TMEM62: variants seen among roughly 807,000 people sequenced by gnomAD.
The protein encoded by TMEM62 is transmembrane protein 62.
Under a neutral mutation model 70.4 loss-of-function variants are expected in TMEM62, and 41 were observed. The ratio of observed to expected loss-of-function variants is 0.58; its 90% CI spans 0.45 to 0.76. TMEM62 has a LOEUF of 0.76. Among genes scored for constraint, TMEM62 ranks in the 30% least tolerant of loss-of-function variants. The pLI, the probability that TMEM62 is intolerant of heterozygous loss-of-function variation, is 0.00. For missense variants in TMEM62, 688 were observed against 788.5 expected (o/e 0.87, Z 1.53); for synonymous variants, 268 against 291.0 (o/e 0.92, Z 0.80).
At chr15:43,171,787 C>T (rs2040228309) in intron 11 of TMEM62, among the ~76,000 whole-genome samples, 1 of 151,770 alleles carries the variant, frequency 6.6e-6, no homozygotes, top group African/African-American at 2.4e-5. Context: ...ACCACCACGC[C>T]TGGCTAATTT....
rs2034897349 is a variant in TMEM62 at position 43,134,391 on chromosome 15, G to A, written c.292+23G>A. ...CAGGTAGGGAGGCTTGCCGTGCTGT[G>A]GTGGTGGTCTGTGGTCCGCATGGTA... On this transcript the variant is annotated intron_variant, in intron 2 of 13. Coordinates refer to ENST00000260403, the MANE Select transcript of TMEM62 (RefSeq NM_024956.4). The A allele has an allele frequency of 1.9e-6, 3 of 1,581,558 alleles. No individual in the cohort carries two copies. The East Asian group carries it at 6.7e-5, about 35-fold the overall frequency.
rs561371263 is a variant in TMEM62, at chr15:43,160,467, G to C, written c.1183-214G>C. ...GTATCAGGAAGATCACTTGACCACA[G>C]AAGATGAAAGCTGCAGTGAGCTAGC... On this transcript the variant is annotated intron_variant, in intron 9 of 13. Coordinates refer to ENST00000260403, the MANE Select transcript of TMEM62 (RefSeq NM_024956.4). The C allele has an allele frequency of 5.7e-5, 26 of 454,302 alleles. No individual in the cohort carries two copies. The East Asian group carries it at 9.8e-4, about 17-fold the overall frequency. The allele number at this position is 454,302 out of a possible 1,614,324, so 28.1% of individuals were successfully genotyped here.
chr15:43,158,360 T>G (rs956541434), intron 9 of TMEM62, among the ~76,000 whole-genome samples: 1 of 152,110 alleles, frequency 6.6e-6, no homozygotes, highest in Non-Finnish European at 1.5e-5. Flanking sequence ...GTTACAGGGG[T>G]CAAGGAGAGG....
rs1340320780 is a variant in TMEM62, at chr15:43,135,461, C to T, written c.293-51C>T. 3 of 1,532,194 alleles carry T rather than the reference C, an allele frequency of 2.0e-6. No homozygotes were observed. In the South Asian group the frequency reaches 4.0e-5, roughly 20 times the overall value. 94.9% of individuals were successfully genotyped at this position (1,532,194 alleles called of 1,614,324 possible). On this transcript the variant is annotated intron_variant, in intron 2 of 13. Coordinates refer to ENST00000260403, the MANE Select transcript of TMEM62 (RefSeq NM_024956.4). The stretch of plus-strand genomic sequence containing the variant: ...GTGTACATATCTAAAAAAAATGGAA[C>T]CCCCAGTAGTTTATTTTGCATTGTG...
At chr15:43,163,598 T>G (rs933006931) in intron 10 of TMEM62, among the ~76,000 whole-genome samples, 1 of 151,844 alleles carries the variant, frequency 6.6e-6, no homozygotes, top group Admixed American at 6.6e-5. Flanking sequence ...CTGGCTAACA[T>G]GGTGAAACCC....
In TMEM62 at chr15:43,135,314, T is replaced by C. The variant is rs543626470; in HGVS notation, c.293-198T>C. Among the ~76,000 whole-genome samples the C allele has an allele frequency of 2.0e-5, 3 of 152,328 alleles. No individual in the cohort carries two copies. In the East Asian group the frequency reaches 5.8e-4, roughly 29 times the overall value. Reference sequence around the variant, plus strand: ...GATTGAACAGGCATTTGCTAACCTATAAGAAACAAAGTCCTTGCTGAGAAA... The same window carrying C: ...GATTGAACAGGCATTTGCTAACCTACAAGAAACAAAGTCCTTGCTGAGAAA... On this transcript the variant is annotated intron_variant, in intron 2 of 13. Transcript: ENST00000260403.
intron 2 of TMEM62, 110 bp from the exon 3 acceptor site, chr15:43,135,402 C>T: frequency 1.8e-6 from 2 of 1,110,474 alleles, no homozygotes; most frequent in East Asian, 2.7e-5. Flanking sequence ...TATGCTTATA[C>T]ACGTTGAGTG....
intron 11 of TMEM62, 99 bp from the exon 12 acceptor site, chr15:43,178,507 GA>G: frequency 2.4e-5 from 16 of 679,670 alleles, no homozygotes; most frequent in Non-Finnish European, 4.0e-5. Context: ...AGGATTTGCT[GA>G]ATATATGGTA....
Position 43,146,570 on chromosome 15 carries a change from GTGTAGATGCCAC to G in TMEM62, c.559_570del (p.Asp187_Val190del), listed in dbSNP as rs754101004. On this transcript the variant is annotated inframe_deletion, in exon 5 of 14. Coordinates refer to ENST00000260403, the MANE Select transcript of TMEM62 (RefSeq NM_024956.4). ...CCCTTTGGCAACTATTCGTTCATCTGTGTAGATGCCACTGTAAATCCAGGGCCTAAGAGACCC... is the reference window on the plus strand; with the variant it reads ...CCCTTTGGCAACTATTCGTTCATCTGTGTAAATCCAGGGCCTAAGAGACCC... 2.7e-5 allele frequency: 44 copies of G among 1,613,718 alleles called. No individual in the cohort carries two copies. The highest frequency in any genetic ancestry group is 3.1e-5 in the Non-Finnish European group (37 of 1,179,702).
Position 43,169,587 on chromosome 15 carries a change from C to A in TMEM62, c.1297-6C>A, listed in dbSNP as rs370074036. 7.4e-6 allele frequency: 12 copies of A among 1,613,118 alleles called. No individual in the cohort carries two copies. Among genetic ancestry groups the A allele is most frequent in the Non-Finnish European group, 1.0e-5 (12 of 1,179,618 alleles). On this transcript the variant is annotated splice_polypyrimidine_tract_variant and splice_region_variant and intron_variant, in intron 10 of 13. Transcript: ENST00000260403. ...CTATTTCACGTTAACATCTATTTCC[C>A]TGCAGGCCCGGGTCCTTTTTGTGCT... is the stretch of plus-strand genomic sequence containing the variant.
chr15:43,153,777 A>G (rs1163780368), intron 8 of TMEM62, among the ~76,000 whole-genome samples: 1 of 152,170 alleles, frequency 6.6e-6, no homozygotes, highest in Non-Finnish European at 1.5e-5. Flanking sequence ...ACTTTTGGCT[A>G]TATTGAATAA....
chr15:43,155,096 G>C (rs1405367820), intron 9 of TMEM62, among the ~76,000 whole-genome samples: 1 of 152,168 alleles, frequency 6.6e-6, no homozygotes, highest in African/African-American at 2.4e-5. Context: ...GGGCACAGTG[G>C]CATGTGCCTG....
At chr15:43,154,931 TA>T (rs879752463) in intron 9 of TMEM62, 100 bp downstream of exon 9, 125 of 1,116,718 alleles carry the variant, frequency 1.1e-4, no homozygotes, top group East Asian at 6.3e-4. Flanking sequence ...AAACCATGTT[TA>T]AAAAAAAACT....
chr15:43,148,983 A>C lies in TMEM62; in HGVS notation c.744-46A>C, dbSNP rs536389405. Reference sequence around the variant, plus strand: ...AAGACATTTTTATTAGTTTGGCCTCACGCGTTATCTTTGTTCATTTATTTC... The same window carrying C: ...AAGACATTTTTATTAGTTTGGCCTCCCGCGTTATCTTTGTTCATTTATTTC... On this transcript the variant is annotated intron_variant, in intron 6 of 13. Coordinates refer to ENST00000260403, the MANE Select transcript of TMEM62 (RefSeq NM_024956.4). 10 of 1,609,218 alleles carry C rather than the reference A, an allele frequency of 6.2e-6. No individual in the cohort carries two copies. In the East Asian group the frequency reaches 1.6e-4, roughly 25 times the overall value.
At chr15:43,178,143 G>A (rs182039057) in intron 11 of TMEM62, among the ~76,000 whole-genome samples, 43 of 151,934 alleles carry the variant, frequency 2.8e-4, no homozygotes, top group Non-Finnish European at 1.5e-5. Flanking sequence ...TTTGAAGTTT[G>A]TACATTTGGA....
At chr15:43,148,545 CAG>C (rs1370020824) in intron 5 of TMEM62, among the ~76,000 whole-genome samples, 9 of 152,258 alleles carry the variant, frequency 5.9e-5, no homozygotes, top group African/African-American at 1.7e-4. Context: ...CTACCTATTG[CAG>C]AGTTATTTTT....
intron 12 of TMEM62, among the ~76,000 whole-genome samples, chr15:43,180,347 T>C (rs1297690553): frequency 6.6e-6 from 1 of 152,222 alleles, no homozygotes; most frequent in Non-Finnish European, 1.5e-5. Flanking sequence ...GGTCTTGAAC[T>C]CCTGACCTCA....
rs2039971139 is a variant in TMEM62 at position 43,169,580 on chromosome 15, TATTTCCCTGCAGGCC to T, written c.1297-12_1299del. The stretch of plus-strand genomic sequence containing the variant: ...CATGTATCTATTTCACGTTAACATC[TATTTCCCTGCAGGCC>T]CGGGTCCTTTTTGTGCTGATTGTGC... On this transcript the variant is annotated splice_acceptor_variant and splice_polypyrimidine_tract_variant and coding_sequence_variant and intron_variant, in exon 11 of 14. Transcript: ENST00000260403. LOFTEE classifies it high-confidence loss of function. 2 of 1,611,418 alleles carry T rather than the reference TATTTCCCTGCAGGCC, an allele frequency of 1.2e-6. No homozygotes were observed. The highest frequency in any genetic ancestry group is 1.7e-6 in the Non-Finnish European group (2 of 1,178,550).
chr15:43,160,462 C>T lies in TMEM62; in HGVS notation c.1183-219C>T. The T allele has an allele frequency of 6.7e-6, 3 of 446,984 alleles. No homozygotes were observed. The South Asian group carries it at 1.0e-4, about 15-fold the overall frequency. 27.7% of individuals were successfully genotyped at this position (446,984 alleles called of 1,614,324 possible). On this transcript the variant is annotated intron_variant, in intron 9 of 13. Transcript: ENST00000260403. ...CAGCTGTATCAGGAAGATCACTTGA[C>T]CACAGAAGATGAAAGCTGCAGTGAG...
Sources: gnomAD v4.1 joint callset for allele counts (sites outside exome capture counted in the v4.1 genomes callset) on GRCh38, gnomAD v4.1.1 for gene constraint, MANE v1.5 for transcripts, NCBI Gene and HGNC (gene_info 2026-07-23, HGNC 2026-07-21) for gene names.